Variants in EPHA7 observed in about 807,000 individuals in gnomAD.
The protein encoded by EPHA7 is EPH receptor A7.
A neutral mutation model predicts 112.6 loss-of-function variants in EPHA7; 25 were observed. The observed-to-expected ratio is 0.22, with a 90% CI of 0.16 to 0.31. The LOEUF (loss-of-function observed/expected upper bound fraction) is 0.31, where lower values mean the gene tolerates loss of function less well. Ranked by LOEUF, EPHA7 falls within the 10% of genes least tolerant of loss-of-function variation. EPHA7 has a pLI of 1.00. For synonymous variants in EPHA7, 437 were observed against 406.5 expected, an observed-to-expected ratio of 1.07 and a Z score of -0.90; for missense variants, 962 against 1,212.6, an observed-to-expected ratio of 0.79 and a Z score of 3.07.
At chr6:93,326,592 G>C (rs1347019006) in intron 5 of EPHA7, among the ~76,000 whole-genome samples, 1 of 151,394 alleles carries the variant, frequency 6.6e-6, no homozygotes, top group African/African-American at 2.4e-5. Flanking sequence ...GAAACTGAAA[G>C]GTAAGGTCTC....
intron 3 of EPHA7, among the ~76,000 whole-genome samples, chr6:93,382,114 T>C (rs928744934): frequency 4.6e-5 from 7 of 152,156 alleles, no homozygotes; most frequent in Non-Finnish European, 8.8e-5. Flanking sequence ...CTCTCAAATG[T>C]TGTTATCTCA....
chr6:93,383,198 TATATATAC>T lies in EPHA7; in HGVS notation c.833-24795_833-24788del, dbSNP rs951885811. On this transcript the variant is annotated intron_variant, in intron 3 of 16. Transcript: ENST00000369303. ...TTACACTGTAGTGTGTGTGTGTGTATATATATACATATATACATACACATATACATATA... is the reference window on the plus strand; with the variant it reads ...TTACACTGTAGTGTGTGTGTGTGTATATATATACATACACATATACATATA... Among the ~76,000 whole-genome samples the T allele has an allele frequency of 1.7e-4, 26 of 151,948 alleles. 1 individual carries two copies. Among genetic ancestry groups the T allele is most frequent in the African/African-American group, 6.0e-4 (25 of 41,378 alleles).
chr6:93,399,054 C>A (rs538985269), intron 3 of EPHA7, among the ~76,000 whole-genome samples: 1 of 152,122 alleles, frequency 6.6e-6, no homozygotes, highest in African/African-American at 2.4e-5. Flanking sequence ...GGGTGATTGC[C>A]CCTTTTCCCT....
At chr6:93,328,042 C>T (rs1418694828) in intron 5 of EPHA7, among the ~76,000 whole-genome samples, 3 of 151,460 alleles carry the variant, frequency 2.0e-5, no homozygotes, top group Non-Finnish European at 4.4e-5. Flanking sequence ...ACCAGATACA[C>T]TTATCTCCCC....
chr6:93,403,057 C>G (rs1194669269), intron 3 of EPHA7, among the ~76,000 whole-genome samples: 1 of 151,984 alleles, frequency 6.6e-6, no homozygotes, highest in Non-Finnish European at 1.5e-5. Flanking sequence ...AGAAGACAGT[C>G]TTGTTTATGT....
intron 3 of EPHA7, among the ~76,000 whole-genome samples, chr6:93,375,609 T>A: frequency 7.0e-6 from 1 of 142,610 alleles, no homozygotes; most frequent in Non-Finnish European, 1.5e-5. Context: ...AAAAAAAAAC[T>A]CCAAGATTTG....
At chr6:93,357,967 A>G (rs1040410499) in intron 4 of EPHA7, among the ~76,000 whole-genome samples, 1 of 152,112 alleles carries the variant, frequency 6.6e-6, no homozygotes, top group Non-Finnish European at 1.5e-5. Flanking sequence ...ACTGACCCTA[A>G]TAACTTTTAA....
intron 7 of EPHA7, among the ~76,000 whole-genome samples, chr6:93,267,217 T>C (rs181914966): frequency 1.3e-5 from 2 of 151,888 alleles, no homozygotes; most frequent in South Asian, 2.1e-4. Flanking sequence ...AAAGGGCTCC[T>C]GGGATGGAAA....
In EPHA7 at chr6:93,333,912, C is replaced by T. The variant is rs139382922; in HGVS notation, c.1324+22805G>A. On this transcript the variant is annotated intron_variant, in intron 5 of 16. Transcript: ENST00000369303. ...TTCAGTGTTATTCCTATCAAAATAC[C>T]GATGAAATTGTTCACATAATTAGAT... Among the ~76,000 whole-genome samples, 48 of 151,924 alleles carry T rather than the reference C, an allele frequency of 3.2e-4. 2 individuals are homozygous for T. Among genetic ancestry groups the T allele is most frequent in the African/African-American group, 8.7e-4 (36 of 41,476 alleles).
At chr6:93,374,054 C>T (rs1469360101) in intron 3 of EPHA7, among the ~76,000 whole-genome samples, 10 of 151,908 alleles carry the variant, frequency 6.6e-5, no homozygotes, top group Admixed American at 5.9e-4. Flanking sequence ...CAACAGAGAG[C>T]CTCAAAATAA....
intron 5 of EPHA7, among the ~76,000 whole-genome samples, chr6:93,294,269 G>T (rs1229968171): frequency 1.3e-5 from 2 of 152,114 alleles, no homozygotes; most frequent in African/African-American, 4.8e-5. Flanking sequence ...ACTCTGAATA[G>T]AATATACTAA....
intron 5 of EPHA7, among the ~76,000 whole-genome samples, chr6:93,307,099 A>G (rs1442716549): frequency 6.6e-6 from 1 of 152,022 alleles, no homozygotes; most frequent in African/African-American, 2.4e-5. Context: ...AATTCAGTCT[A>G]TAAATTATCA....
intron 5 of EPHA7, among the ~76,000 whole-genome samples, chr6:93,288,315 C>T (rs755819032): frequency 1.6e-4 from 24 of 152,128 alleles, no homozygotes; most frequent in African/African-American, 4.1e-4. Flanking sequence ...AGAAGCCAGA[C>T]GACATTGTAT....
intron 6 of EPHA7, among the ~76,000 whole-genome samples, chr6:93,270,735 T>C (rs1771174908): frequency 6.6e-6 from 1 of 151,766 alleles, no homozygotes; most frequent in African/African-American, 2.4e-5. Context: ...TGATCTGTGA[T>C]TGTCCTCATT....
At chr6:93,334,014 C>T (rs1420116242) in intron 5 of EPHA7, among the ~76,000 whole-genome samples, 1 of 151,856 alleles carries the variant, frequency 6.6e-6, no homozygotes, top group Non-Finnish European at 1.5e-5. Context: ...TGTTACCAGA[C>T]TTCAAACTAT....
At chr6:93,297,652 T>C (rs1772742032) in intron 5 of EPHA7, among the ~76,000 whole-genome samples, 1 of 152,160 alleles carries the variant, frequency 6.6e-6, no homozygotes, top group Non-Finnish European at 1.5e-5. Context: ...CAGTTGCCAC[T>C]GGTTATTAAA....
chr6:93,254,998 G>A (rs188714342), intron 13 of EPHA7, among the ~76,000 whole-genome samples: 6 of 152,142 alleles, frequency 3.9e-5, no homozygotes, highest in Admixed American at 3.3e-4. Flanking sequence ...AAGTTTACAA[G>A]GCAACTCAAC....
rs71542009 is a variant in EPHA7 at position 93,311,114 on chromosome 6, A to ATTTTTTTTTTTTTTTTTTTTT, written c.1325-38713_1325-38693dup. Among the ~76,000 whole-genome samples, 25 of 78,508 alleles carry ATTTTTTTTTTTTTTTTTTTTT rather than the reference A, an allele frequency of 3.2e-4. 3 individuals are homozygous for ATTTTTTTTTTTTTTTTTTTTT. The highest frequency in any genetic ancestry group is 6.5e-4 in the African/African-American group (11 of 17,022). 51.5% of individuals were successfully genotyped at this position (78,508 alleles called of 152,430 possible). On this transcript the variant is annotated intron_variant, in intron 5 of 16. Transcript: ENST00000369303. Reference sequence around the variant, plus strand: ...ACAGGCATGTGCATCATGCCCAGCTATTTTTTTTTTTTTTTTTTTTTTTTT... The same window carrying ATTTTTTTTTTTTTTTTTTTTT: ...ACAGGCATGTGCATCATGCCCAGCTATTTTTTTTTTTTTTTTTTTTTTTTTTTTTTTTTTTTTTTTTTTTTT...
rs186516136 is a variant in EPHA7, at chr6:93,396,817, T to A, written c.832+13684A>T. On this transcript the variant is annotated intron_variant, in intron 3 of 16. Coordinates refer to ENST00000369303, the MANE Select transcript of EPHA7 (RefSeq NM_004440.4). ...TGCAACATAAATATAAATATGACAA[T>A]CCCCAGTACAAATGGGGAAATTAAA... 4.8e-4 allele frequency among the ~76,000 whole-genome samples: 73 copies of A among 151,526 alleles called. No homozygotes were observed. The East Asian group carries it at 0.014, about 29-fold the overall frequency.
Sources: allele counts gnomAD v4.1 joint callset (sites outside exome capture counted in the v4.1 genomes callset), GRCh38; gene constraint gnomAD v4.1.1; transcripts MANE v1.5; gene names NCBI Gene and HGNC (gene_info 2026-07-23, HGNC 2026-07-21).